The following AGAP1 variants were observed in gnomAD, a reference collection of about 807,000 sequenced individuals.
AGAP1 encodes the protein arf-GAP with GTPase, ANK repeat and PH domain-containing protein 1.
AGAP1 carries 29 observed loss-of-function variants against 105.3 expected under a neutral mutation model. That is an observed-to-expected ratio of 0.28 (90% CI 0.21 to 0.38). The LOEUF (loss-of-function observed/expected upper bound fraction) is 0.38, where lower values mean the gene tolerates loss of function less well. AGAP1 is among the 10% of genes least tolerant of loss of function. AGAP1 has a pLI of 1.00. For missense variants in AGAP1, 998 were observed against 1,165.1 expected (o/e 0.86, Z 2.09); for synonymous variants, 509 against 485.9 (o/e 1.05, Z -0.63).
intron 1 of AGAP1, among the ~76,000 whole-genome samples, chr2:235,617,313 C>T (rs1232303534): frequency 2.6e-5 from 4 of 152,160 alleles, no homozygotes; most frequent in Non-Finnish European, 4.4e-5. Flanking sequence ...TTCTTGAAAA[C>T]GTTTTTGATT....
At chr2:235,894,192 A>G (rs1026282680) in intron 10 of AGAP1, among the ~76,000 whole-genome samples, 49 of 152,248 alleles carry the variant, frequency 3.2e-4, no homozygotes, top group African/African-American at 1.1e-3. Context: ...TTTGGAAACA[A>G]TATGAACCGC....
At chr2:235,819,678 G>A (rs369773242) in intron 9 of AGAP1, among the ~76,000 whole-genome samples, 15 of 151,910 alleles carry the variant, frequency 9.9e-5, no homozygotes, top group African/African-American at 2.7e-4. Context: ...TCCGATGCCC[G>A]TCCGATCTTG....
Position 235,875,130 on chromosome 2 carries a change from AAGG to A in AGAP1, c.1051-8208_1051-8206del, listed in dbSNP as rs1559593686. ...CCTCTCCCCCATCTGCCCTTGCTGC[AAGG>A]AGGAGGTCAGCCTTGTTTTATAAAT... On this transcript the variant is annotated intron_variant, in intron 9 of 17. Coordinates refer to ENST00000304032, the MANE Select transcript of AGAP1 (RefSeq NM_001037131.3). This position sits in a 1 kb window ranked among gnomAD's most constrained non-coding sequence, Gnocchi z 4.0. Among the ~76,000 whole-genome samples the A allele has an allele frequency of 6.6e-6, 1 of 152,140 alleles. No homozygotes were observed. Among genetic ancestry groups the A allele is most frequent in the South Asian group, 2.1e-4 (1 of 4,836 alleles).
chr2:235,671,192 G>A (rs1202823217), intron 1 of AGAP1: 17 of 1,042,380 alleles, frequency 1.6e-5, no homozygotes, highest in Non-Finnish European at 1.5e-5. Flanking sequence ...CTCGGGTACT[G>A]CGGTTTTCCC....
rs955245128 is a variant in AGAP1, at chr2:235,683,112, C to T, written c.164-26067C>T. ...ACTTGAGGCCAGGAGTTCGAGACCA[C>T]CTGGTCAACATGGTGAAACCCCCAT... On this transcript the variant is annotated intron_variant, in intron 1 of 17. Coordinates refer to ENST00000304032, the MANE Select transcript of AGAP1 (RefSeq NM_001037131.3). Among the ~76,000 whole-genome samples the T allele has an allele frequency of 1.6e-4, 24 of 152,040 alleles. 1 individual carries two copies. Among genetic ancestry groups the T allele is most frequent in the African/African-American group, 5.6e-4 (23 of 41,392 alleles).
intron 1 of AGAP1, among the ~76,000 whole-genome samples, chr2:235,684,006 C>T (rs1949241215): frequency 6.6e-6 from 1 of 152,010 alleles, no homozygotes; most frequent in Non-Finnish European, 1.5e-5. Context: ...CAGCTTCATC[C>T]ACGTCCCTGC....
chr2:235,624,177 G>A (rs545951733), intron 1 of AGAP1, among the ~76,000 whole-genome samples: 1 of 152,306 alleles, frequency 6.6e-6, no homozygotes, highest in Non-Finnish European at 1.5e-5. Context: ...ACTAAAAACT[G>A]GAGAAAAGAC....
chr2:235,531,754 G>A (rs761553820), intron 1 of AGAP1, among the ~76,000 whole-genome samples: 14 of 151,856 alleles, frequency 9.2e-5, no homozygotes, highest in Non-Finnish European at 1.6e-4. Flanking sequence ...GATTACAGGT[G>A]CCTGCCACCA....
At position 235,931,284 on chromosome 2, in the gene AGAP1, A is replaced by G. The variant is rs141655795; in HGVS notation, c.1483+361A>G. Among the ~76,000 whole-genome samples the G allele has an allele frequency of 2.0e-5, 3 of 152,236 alleles. No homozygotes were observed. Among genetic ancestry groups the G allele is most frequent in the South Asian group, 2.1e-4 (1 of 4,818 alleles). On this transcript the variant is annotated intron_variant, in intron 12 of 17. Coordinates refer to ENST00000304032, the MANE Select transcript of AGAP1 (RefSeq NM_001037131.3). This position sits in a 1 kb window ranked among gnomAD's most constrained non-coding sequence, Gnocchi z 5.6. The stretch of plus-strand genomic sequence containing the variant: ...TTTATCTCCCCAATCACACTGCCCT[A>G]CGTGGCGTGGCCCACACTCTTCCAC...
rs13412569 is a variant in AGAP1 at position 235,958,230 on chromosome 2, C to A, written c.1484-10232C>A. ...TCGTGGCGTGCCCCTCATCAAACTA[C>A]GTCCCCTGAGGGAGAGTGGTTGGAG... On this transcript the variant is annotated intron_variant, in intron 12 of 17. Coordinates refer to ENST00000304032, the MANE Select transcript of AGAP1 (RefSeq NM_001037131.3). The surrounding 1 kb of genome is among the most constrained non-coding windows in gnomAD (Gnocchi z 4.1). Among the ~76,000 whole-genome samples the A allele has an allele frequency of 1.5e-3, 234 of 152,266 alleles. No homozygotes were observed. The highest frequency in any genetic ancestry group is 5.2e-3 in the African/African-American group (218 of 41,564).
At chr2:235,590,146 G>C (rs1945278873) in intron 1 of AGAP1, among the ~76,000 whole-genome samples, 1 of 152,184 alleles carries the variant, frequency 6.6e-6, no homozygotes, top group African/African-American at 2.4e-5. Flanking sequence ...CTCCCAAAGT[G>C]CTGGGATTCC....
intron 13 of AGAP1, among the ~76,000 whole-genome samples, chr2:235,987,141 TGG>T (rs2055349171): frequency 2.7e-5 from 4 of 147,572 alleles, no homozygotes; most frequent in Non-Finnish European, 6.1e-5. Context: ...ATTTATTTAT[TGG>T]TTGGTAGGCT....
At chr2:235,531,630 C>CA (rs1391675297) in intron 1 of AGAP1, among the ~76,000 whole-genome samples, 1 of 140,888 alleles carries the variant, frequency 7.1e-6, no homozygotes. Context: ...TTTTTTGAGA[C>CA]AGAGTCTTGC....
At chr2:235,820,152 G>A (rs553244012) in intron 9 of AGAP1, among the ~76,000 whole-genome samples, 9 of 152,008 alleles carry the variant, frequency 5.9e-5, no homozygotes, top group South Asian at 2.1e-4. Context: ...TGCCTGCCTC[G>A]GCCTCCCAAA....
rs996051570 is a variant in AGAP1 at position 235,555,732 on chromosome 2, G to A, written c.163+60883G>A. 6.6e-6 allele frequency among the ~76,000 whole-genome samples: 1 copy of A among 152,228 alleles called. No homozygotes were observed. Among genetic ancestry groups the A allele is most frequent in the African/African-American group, 2.4e-5 (1 of 41,458 alleles). On this transcript the variant is annotated intron_variant, in intron 1 of 17. Transcript: ENST00000304032. The surrounding 1 kb of genome is among the most constrained non-coding windows in gnomAD (Gnocchi z 5.1). ...GTCTCCTTCTGTGATTCAGACCGTA[G>A]TGAAGCCCTGGTTGGCTGAAGTGCT...
chr2:235,685,914 T>A (rs369382732), intron 1 of AGAP1, among the ~76,000 whole-genome samples: 15 of 152,064 alleles, frequency 9.9e-5, no homozygotes, highest in African/African-American at 2.9e-4. Context: ...AAATAAACAT[T>A]GGTTAGGTCC....
intron 12 of AGAP1, among the ~76,000 whole-genome samples, chr2:235,945,124 G>A (rs188897598): frequency 1.3e-4 from 19 of 151,940 alleles, no homozygotes; most frequent in Admixed American, 1.1e-3. Flanking sequence ...TTTTTGAGAC[G>A]GAGTCTCGCT....
At chr2:235,759,352 G>A (rs553429223) in intron 6 of AGAP1, among the ~76,000 whole-genome samples, 22 of 151,724 alleles carry the variant, frequency 1.5e-4, no homozygotes, top group Admixed American at 3.3e-4. Context: ...TGTATTTTTA[G>A]TAGAGACGGG....
chr2:235,688,237 C>G (rs534108576), intron 1 of AGAP1, among the ~76,000 whole-genome samples: 23 of 152,294 alleles, frequency 1.5e-4, no homozygotes, highest in African/African-American at 5.5e-4. Flanking sequence ...CCTGTCTACT[C>G]TTGCTGGGCT....
Sources: allele counts gnomAD v4.1 joint callset (sites outside exome capture counted in the v4.1 genomes callset), GRCh38; gene constraint gnomAD v4.1.1; non-coding constraint Gnocchi (gnomAD v3.1); transcripts MANE v1.5; gene names NCBI Gene and HGNC (gene_info 2026-07-23, HGNC 2026-07-21).